AKT3: variants seen among roughly 807,000 people sequenced by gnomAD.
The protein encoded by AKT3 is RAC-gamma serine/threonine-protein kinase.
Under a neutral mutation model 65.3 loss-of-function variants are expected in AKT3, and 15 were observed. The ratio of observed to expected loss-of-function variants is 0.23; its 90% CI spans 0.15 to 0.35. AKT3 has a LOEUF of 0.35. Ranked by LOEUF, AKT3 falls within the 10% of genes least tolerant of loss-of-function variation. The probability of loss-of-function intolerance (pLI) is 1.00; values close to 1 mark genes in which losing one functional copy is unlikely to be tolerated. For synonymous variants in AKT3, 206 were observed against 183.8 expected (o/e 1.12, Z -0.98); for missense variants, 243 against 576.5 (o/e 0.42, Z 5.92).
chr1:243,838,634 A>C (rs892312902), intron 2 of AKT3, among the ~76,000 whole-genome samples: 9 of 152,208 alleles, frequency 5.9e-5, no homozygotes, highest in Non-Finnish European at 8.8e-5. Flanking sequence ...AGCATAACCA[A>C]GTTCACAATC....
intron 2 of AKT3, among the ~76,000 whole-genome samples, chr1:243,761,646 T>C (rs1016368631): frequency 6.6e-6 from 1 of 152,126 alleles, no homozygotes; most frequent in Non-Finnish European, 1.5e-5. Flanking sequence ...AAATATTGTA[T>C]GATCCCACTC....
At chr1:243,719,399 TTCC>T (rs1398010273) in intron 2 of AKT3, among the ~76,000 whole-genome samples, 1 of 152,218 alleles carries the variant, frequency 6.6e-6, no homozygotes, top group Non-Finnish European at 1.5e-5. Flanking sequence ...ACACCAAGTC[TTCC>T]TCCAACTGGA....
At chr1:243,549,748 G>A (rs1672914850) in intron 11 of AKT3, among the ~76,000 whole-genome samples, 1 of 151,912 alleles carries the variant, frequency 6.6e-6, no homozygotes, top group Admixed American at 6.6e-5. Context: ...TAACTGCTCT[G>A]CCTGCCCCTG....
At chr1:243,812,717 A>G (rs1342987715) in intron 2 of AKT3, among the ~76,000 whole-genome samples, 1 of 152,130 alleles carries the variant, frequency 6.6e-6, no homozygotes, top group Non-Finnish European at 1.5e-5. Context: ...AGACACATGC[A>G]CACGTATGTT....
intron 13 of AKT3, among the ~76,000 whole-genome samples, chr1:243,494,421 G>A (rs566372171): frequency 2.0e-5 from 3 of 152,136 alleles, no homozygotes; most frequent in Non-Finnish European, 4.4e-5. Flanking sequence ...CAGCTAAAAT[G>A]TCATTAACTC....
At chr1:243,605,576 C>G (rs757468911) in intron 8 of AKT3, among the ~76,000 whole-genome samples, 8 of 152,172 alleles carry the variant, frequency 5.3e-5, no homozygotes, top group Non-Finnish European at 1.0e-4. Flanking sequence ...TTGTCTATCT[C>G]AGCTATATCT....
At chr1:243,645,794 G>A (rs1021719008) in intron 5 of AKT3, 99 bp downstream of exon 5, 36 of 1,217,544 alleles carry the variant, frequency 3.0e-5, no homozygotes, top group African/African-American at 7.6e-5. Context: ...TTTACATATC[G>A]TAAGAAAACT....
At chr1:243,835,740 T>G (rs1215052160) in intron 2 of AKT3, among the ~76,000 whole-genome samples, 1 of 152,190 alleles carries the variant, frequency 6.6e-6, no homozygotes, top group Non-Finnish European at 1.5e-5. Context: ...TTACCACTCC[T>G]GTTGAGAATG....
At chr1:243,822,733 A>C (rs1161791807) in intron 2 of AKT3, among the ~76,000 whole-genome samples, 3 of 152,204 alleles carry the variant, frequency 2.0e-5, no homozygotes, top group Non-Finnish European at 4.4e-5. Flanking sequence ...TGAACTAGGA[A>C]GAAGCTGAAT....
chr1:243,705,226 C>T (rs905965266), intron 2 of AKT3, among the ~76,000 whole-genome samples: 1 of 152,134 alleles, frequency 6.6e-6, no homozygotes, highest in Non-Finnish European at 1.5e-5. Flanking sequence ...GTTTTCATAT[C>T]GGCTTCCTAA....
chr1:243,690,946 A>G (rs1005005988), intron 3 of AKT3, among the ~76,000 whole-genome samples: 1 of 152,226 alleles, frequency 6.6e-6, no homozygotes, highest in Non-Finnish European at 1.5e-5. Context: ...ACTAGGAGAT[A>G]TAAGATAAAT....
Position 243,503,419 on chromosome 1 carries a change from C to T in AKT3, c.*1830G>A, listed in dbSNP as rs1010960837. ...TCTTTCATACAATGCAATCATAATA[C>T]TACGTCATGCTGTAGTCTTCCGTTT... is the stretch of plus-strand genomic sequence containing the variant. On this transcript the variant is annotated 3_prime_UTR_variant, in exon 14 of 14. Coordinates refer to ENST00000673466, the MANE Select transcript of AKT3 (RefSeq NM_005465.7). 7 of 233,420 alleles carry T rather than the reference C, an allele frequency of 3.0e-5. No homozygotes were observed. Among genetic ancestry groups the T allele is most frequent in the South Asian group, 1.8e-4 (1 of 5,526 alleles). The allele number at this position is 233,420 out of a possible 1,614,324, so 14.5% of individuals were successfully genotyped here. A position where few individuals can be genotyped will look rare whatever the true frequency, so the allele number is the denominator to read the frequency against.
intron 8 of AKT3, among the ~76,000 whole-genome samples, chr1:243,585,274 T>C (rs1449924269): frequency 6.6e-6 from 1 of 151,984 alleles, no homozygotes; most frequent in East Asian, 1.9e-4. Flanking sequence ...GCTCAGGGAC[T>C]GGAAGAATCA....
At chr1:243,744,987 A>C (rs896071011) in intron 2 of AKT3, among the ~76,000 whole-genome samples, 14 of 152,002 alleles carry the variant, frequency 9.2e-5, no homozygotes, top group African/African-American at 3.1e-4. Context: ...GTAATGGGGG[A>C]GATTTTAAAT....
intron 12 of AKT3, among the ~76,000 whole-genome samples, chr1:243,541,905 C>G: frequency 6.6e-6 from 1 of 152,180 alleles, no homozygotes; most frequent in East Asian, 1.9e-4. Context: ...GGCAGTAAAA[C>G]AAAGTGAAAA....
At chr1:243,803,740 C>T (rs1248933989) in intron 2 of AKT3, among the ~76,000 whole-genome samples, 1 of 151,676 alleles carries the variant, frequency 6.6e-6, no homozygotes, top group Non-Finnish European at 1.5e-5. Context: ...CACTACTCCC[C>T]GACAACTCAT....
intron 2 of AKT3, among the ~76,000 whole-genome samples, chr1:243,718,359 G>C (rs554917628): frequency 6.6e-5 from 10 of 152,240 alleles, no homozygotes; most frequent in Admixed American, 2.6e-4. Context: ...GAGTCATGTA[G>C]TGTATTTTTA....
intron 2 of AKT3, among the ~76,000 whole-genome samples, chr1:243,773,202 T>TA (rs918165611): frequency 7.3e-4 from 105 of 144,442 alleles, no homozygotes; most frequent in African/African-American, 2.1e-3. Context: ...CATATATATA[T>TA]AAAAAATATA....
intron 2 of AKT3, among the ~76,000 whole-genome samples, chr1:243,784,327 G>A (rs1691109581): frequency 6.6e-6 from 1 of 151,828 alleles, no homozygotes; most frequent in African/African-American, 2.4e-5. Context: ...ATGAGGGGGT[G>A]AGTATGAGAC....
Sources: allele counts gnomAD v4.1 joint callset (sites outside exome capture counted in the v4.1 genomes callset), GRCh38; gene constraint gnomAD v4.1.1; transcripts MANE v1.5; gene names NCBI Gene and HGNC (gene_info 2026-07-23, HGNC 2026-07-21).